The following ARHGAP39 variants were observed in gnomAD, a reference collection of about 807,000 sequenced individuals.
ARHGAP39 encodes rho GTPase-activating protein 39.
In ARHGAP39, 44 loss-of-function variants were observed where a neutral mutation model predicts 106.9. That is an observed-to-expected ratio of 0.41 (90% CI 0.32 to 0.53). The LOEUF is 0.53. Ranked by LOEUF, ARHGAP39 falls within the 20% of genes least tolerant of loss-of-function variation. ARHGAP39 has a pLI of 0.21. For synonymous variants in ARHGAP39, 768 were observed against 693.2 expected (o/e 1.11, Z -1.69); for missense variants, 1,496 against 1,577.3 (o/e 0.95, Z 0.87).
chr8:144,594,098 A>C (rs1586589857), intron 2 of ARHGAP39, among the ~76,000 whole-genome samples: 1 of 152,110 alleles, frequency 6.6e-6, no homozygotes, highest in Middle Eastern at 3.4e-3. Flanking sequence ...CAAAAAAAAA[A>C]AAAAAAAAAA....
chr8:144,589,765 G>A (rs1487985909), intron 2 of ARHGAP39, among the ~76,000 whole-genome samples: 1 of 152,212 alleles, frequency 6.6e-6, no homozygotes, highest in Non-Finnish European at 1.5e-5. Context: ...GGCCTCCCAC[G>A]ACTCTGCCTC....
At chr8:144,598,493 A>G (rs573145124) in intron 2 of ARHGAP39, among the ~76,000 whole-genome samples, 1 of 152,366 alleles carries the variant, frequency 6.6e-6, no homozygotes, top group South Asian at 2.1e-4. Flanking sequence ...GGGCAGAAGC[A>G]GCCCCAGCTC....
chr8:144,633,156 T>C (rs767614990), intron 1 of ARHGAP39, among the ~76,000 whole-genome samples: 20 of 149,038 alleles, frequency 1.3e-4, no homozygotes, highest in Non-Finnish European at 2.1e-4. Flanking sequence ...TGTTTGTTTG[T>C]TTGTTTGTTT....
At chr8:144,534,290 G>A (rs1816863829) in intron 7 of ARHGAP39, 88 bp from the exon 8 acceptor site, 1 of 1,469,782 alleles carries the variant, frequency 6.8e-7, no homozygotes, top group Admixed American at 1.7e-5. Context: ...TCCTTCGAGG[G>A]CCCTGGGGGG....
intron 2 of ARHGAP39, among the ~76,000 whole-genome samples, chr8:144,598,695 A>G (rs1179803915): frequency 1.3e-5 from 2 of 152,242 alleles, no homozygotes; most frequent in Admixed American, 6.5e-5. Flanking sequence ...ATGTCAGCCC[A>G]TGAGCAGGTG....
At chr8:144,680,450 T>G (rs1822378086) in intron 1 of ARHGAP39, among the ~76,000 whole-genome samples, 1 of 152,154 alleles carries the variant, frequency 6.6e-6, no homozygotes, top group Non-Finnish European at 1.5e-5. Context: ...CAGAGGAGTC[T>G]GCCAGGGGGC....
rs1314300445 is a variant in ARHGAP39 at position 144,679,946 on chromosome 8, C to G, written c.-82+5740G>C. 2.6e-5 allele frequency among the ~76,000 whole-genome samples: 4 copies of G among 152,188 alleles called. No individual in the cohort carries two copies. The highest frequency in any genetic ancestry group is 9.7e-5 in the African/African-American group (4 of 41,442). The stretch of plus-strand genomic sequence containing the variant: ...AGTGAGTCGAGATCGCGCCGCCGCA[C>G]TCCAGCCTGGACGACAGAGCAAGAC... On this transcript the variant is annotated intron_variant, in intron 1 of 11. Transcript: ENST00000377307. The surrounding 1 kb of genome is among the most constrained non-coding windows in gnomAD (Gnocchi z 4.7).
intron 2 of ARHGAP39, among the ~76,000 whole-genome samples, chr8:144,599,622 T>G (rs1819767406): frequency 6.6e-6 from 1 of 151,876 alleles, no homozygotes; most frequent in Non-Finnish European, 1.5e-5. Context: ...GTCTATATGT[T>G]TAAAAGACAA....
intron 8 of ARHGAP39, among the ~76,000 whole-genome samples, 173 bp downstream of exon 8, chr8:144,533,956 C>A (rs1816844914): frequency 6.6e-6 from 1 of 152,094 alleles, no homozygotes; most frequent in African/African-American, 2.4e-5. Flanking sequence ...AGGGTGCAGC[C>A]CAGAAGAACA....
At chr8:144,686,031 C>T (rs941802273), upstream of ARHGAP39, among the ~76,000 whole-genome samples, 2 of 151,540 alleles carry the variant, frequency 1.3e-5, no homozygotes, top group African/African-American at 4.8e-5. Context: ...AGCCGCCTGG[C>T]CCCGCCCCGT....
intron 2 of ARHGAP39, among the ~76,000 whole-genome samples, chr8:144,587,088 G>A (rs1245565283): frequency 1.3e-5 from 2 of 152,266 alleles, no homozygotes; most frequent in Non-Finnish European, 2.9e-5. Flanking sequence ...CTGCCACCAT[G>A]TGAAGAAGGA....
chr8:144,673,201 A>C (rs890414193), intron 1 of ARHGAP39, among the ~76,000 whole-genome samples: 6 of 149,008 alleles, frequency 4.0e-5, no homozygotes, highest in Non-Finnish European at 8.8e-5. Flanking sequence ...TGGGTGATAG[A>C]TTGAGAACCT....
At chr8:144,693,134 G>A in the ARHGAP39 span, among the ~76,000 whole-genome samples, 133 of 142,878 alleles carry the variant, frequency 9.3e-4, 1 homozygote, top group African/African-American at 3.0e-3. Context: ...GCACTGTCTC[G>A]GCTCACTGCA....
chr8:144,544,496 G>C (rs765346244), intron 6 of ARHGAP39, among the ~76,000 whole-genome samples: 47 of 152,362 alleles, frequency 3.1e-4, no homozygotes, highest in South Asian at 6.2e-4. Flanking sequence ...GTGTGTGTGT[G>C]TGCGCGTGCA....
At chr8:144,628,552 C>A (rs558557830) in intron 1 of ARHGAP39, among the ~76,000 whole-genome samples, 13 of 152,312 alleles carry the variant, frequency 8.5e-5, no homozygotes, top group African/African-American at 1.4e-4. Context: ...GACAAACCCA[C>A]AACCACAGTG....
At position 144,548,307 on chromosome 8, in the gene ARHGAP39, T is replaced by A. The variant is rs979702347; in HGVS notation, c.779A>T (p.Glu260Val). The stretch of plus-strand genomic sequence containing the variant: ...TGGGAAGAAGATGGTGCCGTCAGCC[T>A]CCGGGGCGAAGGTCTGCAGGCTGGG... The part of the protein sequence containing the change: ...HSPSLQTFAP[E>V]ADGTIFFPER... Residue 260 changes from glutamate (E) to valine (V), a missense_variant, in exon 5 of 12, where the codon GAG becomes GTG. Glu to Val is a moderately radical substitution (Grantham distance 121). This residue lies in a region of ARHGAP39 where 905 missense variants were observed against 816.4 expected (regional missense o/e 1.11). Coordinates refer to ENST00000377307, the MANE Select transcript of ARHGAP39 (RefSeq NM_025251.3). This position sits in a 1 kb window ranked among gnomAD's most constrained non-coding sequence, Gnocchi z 7.4. 6.2e-7 allele frequency: 1 copy of A among 1,608,694 alleles called. No individual in the cohort carries two copies. The highest frequency in any genetic ancestry group is 1.1e-5 in the South Asian group (1 of 90,618).
At chr8:144,635,024 T>C (rs2038957133) in intron 1 of ARHGAP39, among the ~76,000 whole-genome samples, 1 of 152,292 alleles carries the variant, frequency 6.6e-6, no homozygotes. Flanking sequence ...CTCGAATCCC[T>C]AATCTAGGTG....
At chr8:144,606,949 T>C (rs557002800) in intron 1 of ARHGAP39, among the ~76,000 whole-genome samples, 2 of 146,452 alleles carry the variant, frequency 1.4e-5, no homozygotes, top group East Asian at 4.0e-4. Context: ...ATTAACAAAT[T>C]GGACTATAGT....
intron 4 of ARHGAP39, among the ~76,000 whole-genome samples, chr8:144,555,347 G>C (rs1464335498): frequency 6.6e-6 from 1 of 152,264 alleles, no homozygotes; most frequent in African/African-American, 2.4e-5. Flanking sequence ...GCCAGGCAGA[G>C]ACAAAGTTCC....
Sources: allele counts gnomAD v4.1 joint callset (sites outside exome capture counted in the v4.1 genomes callset), GRCh38; gene constraint gnomAD v4.1.1; regional missense constraint gnomAD v4.1.1; non-coding constraint Gnocchi (gnomAD v3.1); transcripts MANE v1.5; gene names NCBI Gene and HGNC (gene_info 2026-07-23, HGNC 2026-07-21).